Variants in KCNAB1 observed in about 807,000 individuals in gnomAD.
KCNAB1 encodes voltage-gated potassium channel subunit beta-1.
A neutral mutation model predicts 64.6 loss-of-function variants in KCNAB1; 35 were observed. That is an observed-to-expected ratio of 0.54 (90% CI 0.41 to 0.72). The LOEUF (loss-of-function observed/expected upper bound fraction) is 0.72, where lower values mean the gene tolerates loss of function less well. KCNAB1 is among the 30% of genes least tolerant of loss of function. KCNAB1 has a pLI of 0.00. For synonymous variants in KCNAB1, 177 were observed against 183.8 expected, an observed-to-expected ratio of 0.96 and a Z score of 0.30; for missense variants, 401 against 512.9, an observed-to-expected ratio of 0.78 and a Z score of 2.11.
In KCNAB1 at chr3:156,505,883, A is replaced by C. The variant is rs913504403; in HGVS notation, c.659-8481A>C. On this transcript the variant is annotated intron_variant, in intron 8 of 13. Transcript: ENST00000490337. ...AGGGAGATCCCAGACTCTTTTAAACAACCAGCTCTCATGTGAACTGAGTGA... is the reference window on the plus strand; with the variant it reads ...AGGGAGATCCCAGACTCTTTTAAACCACCAGCTCTCATGTGAACTGAGTGA... Among the ~76,000 whole-genome samples, 5 of 152,262 alleles carry C rather than the reference A, an allele frequency of 3.3e-5. No individual in the cohort carries two copies. The South Asian group carries it at 1.0e-3, about 32-fold the overall frequency.
chr3:156,326,600 TC>T (rs1722980926), intron 1 of KCNAB1, among the ~76,000 whole-genome samples: 1 of 152,110 alleles, frequency 6.6e-6, no homozygotes, highest in Admixed American at 6.6e-5. Flanking sequence ...ATCACTACTC[TC>T]CCTATTCAGC....
chr3:156,501,686 C>T (rs1202687773), intron 8 of KCNAB1, among the ~76,000 whole-genome samples: 1 of 152,100 alleles, frequency 6.6e-6, no homozygotes, highest in Admixed American at 6.5e-5. Context: ...CCCCCCTCAG[C>T]CTCCCAAAGT....
At chr3:156,320,661 T>A (rs1214960881) in intron 1 of KCNAB1, among the ~76,000 whole-genome samples, 2 of 152,174 alleles carry the variant, frequency 1.3e-5, no homozygotes, top group African/African-American at 2.4e-5. Context: ...CCAGGAATGT[T>A]GCTGAAATAG....
chr3:156,180,932 A>C (rs1712766146), intron 1 of KCNAB1, among the ~76,000 whole-genome samples: 1 of 152,224 alleles, frequency 6.6e-6, no homozygotes, highest in African/African-American at 2.4e-5. Flanking sequence ...TTATTTTCTC[A>C]TAGCCCTGGA....
intron 1 of KCNAB1, among the ~76,000 whole-genome samples, chr3:156,406,108 A>G (rs1329941227): frequency 6.6e-6 from 1 of 152,232 alleles, no homozygotes; most frequent in Admixed American, 6.5e-5. Context: ...ATTTTAAAAG[A>G]TGAAATTTGT....
chr3:156,530,139 G>A (rs1438838496), intron 12 of KCNAB1, among the ~76,000 whole-genome samples: 2 of 152,202 alleles, frequency 1.3e-5, no homozygotes. Context: ...TAGAATGGGA[G>A]AAATTTTAGC....
intron 10 of KCNAB1, 125 bp from the exon 11 acceptor site, chr3:156,516,145 C>T: frequency 1.6e-6 from 1 of 626,912 alleles, no homozygotes; most frequent in Non-Finnish European, 2.9e-6. Context: ...CTGATATTAA[C>T]TCATTTATCT....
At chr3:156,417,978 A>C (rs1168315916) in intron 1 of KCNAB1, among the ~76,000 whole-genome samples, 2 of 152,248 alleles carry the variant, frequency 1.3e-5, no homozygotes. Context: ...GTGCCTCCAC[A>C]TTGATGTCAT....
chr3:156,491,463 A>C (rs1266305559), intron 8 of KCNAB1, among the ~76,000 whole-genome samples: 3 of 152,148 alleles, frequency 2.0e-5, no homozygotes, highest in Admixed American at 2.0e-4. Flanking sequence ...TTGTTTAATG[A>C]AAGGTAACAT....
At chr3:156,442,799 C>T (rs904653252) in intron 2 of KCNAB1, among the ~76,000 whole-genome samples, 3 of 152,108 alleles carry the variant, frequency 2.0e-5, no homozygotes, top group African/African-American at 7.2e-5. Context: ...TCATTGTTGC[C>T]CAGCTCTCTG....
intron 1 of KCNAB1, among the ~76,000 whole-genome samples, chr3:156,383,927 C>G (rs1340637988): frequency 6.6e-6 from 1 of 152,112 alleles, no homozygotes; most frequent in Non-Finnish European, 1.5e-5. Context: ...TACAGTCTGT[C>G]ACCATCAGGC....
At chr3:156,482,368 T>C (rs1714884824) in intron 8 of KCNAB1, among the ~76,000 whole-genome samples, 1 of 151,990 alleles carries the variant, frequency 6.6e-6, no homozygotes, top group South Asian at 2.1e-4. Flanking sequence ...CAGAAGTTAA[T>C]AAACAAAAAT....
intron 1 of KCNAB1, among the ~76,000 whole-genome samples, chr3:156,344,565 CAT>C (rs780852521): frequency 2.0e-5 from 3 of 152,280 alleles, no homozygotes; most frequent in Non-Finnish European, 4.4e-5. Context: ...ATCTCAAACT[CAT>C]ATGTCTAAGA....
intron 1 of KCNAB1, among the ~76,000 whole-genome samples, chr3:156,331,475 G>A (rs1326419980): frequency 6.6e-6 from 1 of 151,928 alleles, no homozygotes; most frequent in Non-Finnish European, 1.5e-5. Context: ...TAAAGCTAAC[G>A]TTCAATGTAA....
At chr3:156,248,165 T>C (rs535612624) in intron 1 of KCNAB1, among the ~76,000 whole-genome samples, 76 of 152,356 alleles carry the variant, frequency 5.0e-4, no homozygotes, top group African/African-American at 1.8e-3. Flanking sequence ...TTGTAATCAA[T>C]GCACCAATGA....
intron 1 of KCNAB1, among the ~76,000 whole-genome samples, chr3:156,249,596 A>G (rs752715704): frequency 3.3e-5 from 5 of 152,088 alleles, no homozygotes; most frequent in Admixed American, 1.3e-4. Context: ...AAAAGAAAAA[A>G]AAGTAAATGC....
chr3:156,317,457 G>A (rs909730690), intron 1 of KCNAB1, among the ~76,000 whole-genome samples: 2 of 152,114 alleles, frequency 1.3e-5, no homozygotes, highest in African/African-American at 4.8e-5. Flanking sequence ...TTTCACTTGA[G>A]TAATGGAATA....
chr3:156,315,435 C>A (rs1301628030), intron 1 of KCNAB1, among the ~76,000 whole-genome samples: 1 of 152,176 alleles, frequency 6.6e-6, no homozygotes, highest in Non-Finnish European at 1.5e-5. Context: ...ACCAGGAGCA[C>A]CTTGCTCACT....
intron 11 of KCNAB1, among the ~76,000 whole-genome samples, chr3:156,516,909 G>A (rs1451450363): frequency 6.6e-6 from 1 of 152,162 alleles, no homozygotes; most frequent in Non-Finnish European, 1.5e-5. Context: ...ACTTAAAGCA[G>A]CTTAAATTCT....
Sources: allele counts gnomAD v4.1 joint callset (sites outside exome capture counted in the v4.1 genomes callset), GRCh38; gene constraint gnomAD v4.1.1; transcripts MANE v1.5; gene names NCBI Gene and HGNC (gene_info 2026-07-23, HGNC 2026-07-21).